The following EYA1 variants were observed in gnomAD, a reference collection of about 807,000 sequenced individuals.
The protein encoded by EYA1 is EYA transcriptional coactivator and phosphatase 1, also known as protein phosphatase EYA1.
EYA1 carries 16 observed loss-of-function variants against 82.0 expected under a neutral mutation model. That is an observed-to-expected ratio of 0.20 (90% CI 0.13 to 0.30). The LOEUF is 0.30. Ranked by LOEUF, EYA1 falls within the 10% of genes least tolerant of loss-of-function variation. The pLI is 1.00. For missense variants in EYA1, 633 were observed against 730.7 expected (o/e 0.87, Z 1.54); for synonymous variants, 261 against 264.4 (o/e 0.99, Z 0.12).
chr8:71,336,899 G>A (rs901230093), intron 3 of EYA1, among the ~76,000 whole-genome samples: 1 of 152,142 alleles, frequency 6.6e-6, no homozygotes, highest in Non-Finnish European at 1.5e-5. Flanking sequence ...CTAAAGACTG[G>A]TGATTTATTG....
chr8:71,205,468 G>C (rs1807644703), intron 17 of EYA1, among the ~76,000 whole-genome samples: 1 of 152,072 alleles, frequency 6.6e-6, no homozygotes, highest in Non-Finnish European at 1.5e-5. Context: ...ATACGTCAAA[G>C]GAAGACTTCC....
chr8:71,361,928 A>G lies in EYA1; in HGVS notation c.-336T>C, dbSNP rs1054027115. ...ACCCGCCACAGTGGACGGCAACAGGAAGGCTTAAAGTCGGAAGTGGCACTG... is the reference window on the plus strand; with the variant it reads ...ACCCGCCACAGTGGACGGCAACAGGGAGGCTTAAAGTCGGAAGTGGCACTG... On this transcript the variant is annotated 5_prime_UTR_variant, in exon 1 of 18. Coordinates refer to ENST00000340726, the MANE Select transcript of EYA1 (RefSeq NM_000503.6). 49 of 985,208 alleles carry G rather than the reference A, an allele frequency of 5.0e-5. No homozygotes were observed. Among genetic ancestry groups the G allele is most frequent in the African/African-American group, 3.8e-4 (22 of 57,224 alleles). The allele number at this position is 985,208 out of a possible 1,614,324, so 61.0% of individuals were successfully genotyped here.
chr8:71,474,537 C>T (rs571404831), intron 2 of EYA1, among the ~76,000 whole-genome samples: 12 of 152,308 alleles, frequency 7.9e-5, no homozygotes, highest in African/African-American at 2.9e-4. Context: ...AGAATACACA[C>T]TCTCAACCCT....
intron 12 of EYA1, among the ~76,000 whole-genome samples, chr8:71,230,410 G>A (rs1250386025): frequency 6.6e-6 from 1 of 152,222 alleles, no homozygotes. Flanking sequence ...GACTGTGTGA[G>A]TGCTGAAGTG....
At chr8:71,403,956 A>C (rs1242809886) in intron 2 of EYA1, 2 of 152,236 alleles carry the variant, frequency 1.3e-5, no homozygotes, top group Non-Finnish European at 2.9e-5. Context: ...CTTAAAGTAC[A>C]TACTTGTTTT....
At chr8:71,266,970 T>C (rs1294548362) in intron 11 of EYA1, among the ~76,000 whole-genome samples, 1 of 152,234 alleles carries the variant, frequency 6.6e-6, no homozygotes, top group African/African-American at 2.4e-5. Context: ...GTTCTCTACC[T>C]GCAATGTAAT....
intron 2 of EYA1, among the ~76,000 whole-genome samples, chr8:71,412,587 T>G (rs1291068650): frequency 6.6e-6 from 1 of 152,098 alleles, no homozygotes; most frequent in Non-Finnish European, 1.5e-5. Flanking sequence ...GAGGAGTGGA[T>G]GGAGACATGG....
At chr8:71,456,782 G>A (rs1317717377) in intron 2 of EYA1, among the ~76,000 whole-genome samples, 3 of 151,984 alleles carry the variant, frequency 2.0e-5, no homozygotes, top group Admixed American at 6.6e-5. Context: ...AAGACTTAAA[G>A]GTTTGACCTA....
In EYA1 at chr8:71,228,431, T is replaced by G. The variant is rs577149368; in HGVS notation, c.1141-11408A>C. Among the ~76,000 whole-genome samples the G allele has an allele frequency of 1.1e-4, 17 of 151,544 alleles. No homozygotes were observed. The East Asian group carries it at 3.1e-3, about 28-fold the overall frequency. ...AATCATTGGGTGTTAAAAGGGGAAA[T>G]GGAGTTGGCTGCCCGAAAGGAAAAA... On this transcript the variant is annotated intron_variant, in intron 12 of 17. Coordinates refer to ENST00000340726, the MANE Select transcript of EYA1 (RefSeq NM_000503.6).
intron 2 of EYA1, among the ~76,000 whole-genome samples, chr8:71,527,988 C>T (rs1226890268): frequency 1.3e-5 from 2 of 152,084 alleles, no homozygotes; most frequent in South Asian, 2.1e-4. Flanking sequence ...CCCTAGCCCT[C>T]GCCCCCACCC....
At chr8:71,337,950 G>A (rs948294704) in intron 3 of EYA1, among the ~76,000 whole-genome samples, 2 of 152,162 alleles carry the variant, frequency 1.3e-5, no homozygotes. Flanking sequence ...TGTAAGTGTG[G>A]GTGAATACTC....
intron 2 of EYA1, among the ~76,000 whole-genome samples, chr8:71,496,524 T>C (rs1255334026): frequency 6.6e-6 from 1 of 152,216 alleles, no homozygotes; most frequent in Non-Finnish European, 1.5e-5. Flanking sequence ...GAAAACAGAT[T>C]ATTCTGTTTC....
rs1480861636 is a variant in EYA1, at chr8:71,324,389, ACTT to A, written c.203-2124_203-2122del. Among the ~76,000 whole-genome samples the A allele has an allele frequency of 2.6e-5, 4 of 152,244 alleles. No individual in the cohort carries two copies. In the East Asian group the frequency reaches 7.7e-4, roughly 29 times the overall value. The stretch of plus-strand genomic sequence containing the variant: ...GAATTTCAGCTCAGATTCAAATCCC[ACTT>A]CTTCTATGTGGGCTTAGTCAAGTTA... On this transcript the variant is annotated intron_variant, in intron 4 of 17. Coordinates refer to ENST00000340726, the MANE Select transcript of EYA1 (RefSeq NM_000503.6).
At position 71,227,261 on chromosome 8, in the gene EYA1, C is replaced by T. The variant is rs956855274; in HGVS notation, c.1141-10238G>A. ...GCTGAACTTATTTCTCAATTTTCAA[C>T]GGGCTTGCTCATCATTTTTGCAAAC... is the stretch of plus-strand genomic sequence containing the variant. On this transcript the variant is annotated intron_variant, in intron 12 of 17. Coordinates refer to ENST00000340726, the MANE Select transcript of EYA1 (RefSeq NM_000503.6). 1.7e-4 allele frequency among the ~76,000 whole-genome samples: 26 copies of T among 152,180 alleles called. No homozygotes were observed. The East Asian group carries it at 1.9e-3, about 11-fold the overall frequency.
chr8:71,236,740 TATC>T lies in EYA1; in HGVS notation c.1140+7860_1140+7862del, dbSNP rs532081407. Among the ~76,000 whole-genome samples the T allele has an allele frequency of 2.0e-5, 3 of 152,324 alleles. No homozygotes were observed. The South Asian group carries it at 6.2e-4, about 32-fold the overall frequency. On this transcript the variant is annotated intron_variant, in intron 12 of 17. Transcript: ENST00000340726. ...ATTAATAGTGTTACTATAGTAGAGA[TATC>T]ATGCTGTTAAATGGAATAATGTATG... is the stretch of plus-strand genomic sequence containing the variant.
chr8:71,546,212 T>C (rs575444196), intron 1 of EYA1, among the ~76,000 whole-genome samples: 1 of 152,260 alleles, frequency 6.6e-6, no homozygotes, highest in African/African-American at 2.4e-5. Context: ...CCTATTTTTT[T>C]CCCCATCCGA....
intron 14 of EYA1, 92 bp downstream of exon 14, chr8:71,216,600 A>G: frequency 1.5e-6 from 2 of 1,307,280 alleles, no homozygotes. Flanking sequence ...AAGCTATTAT[A>G]TTCAAAGCAG....
intron 2 of EYA1, among the ~76,000 whole-genome samples, chr8:71,520,223 C>T (rs1278850920): frequency 6.6e-6 from 1 of 151,680 alleles, no homozygotes; most frequent in Admixed American, 6.6e-5. Flanking sequence ...GCCCCCCCCT[C>T]CACTGAGGCA....
chr8:71,391,966 C>A (rs1366350398), intron 2 of EYA1, among the ~76,000 whole-genome samples: 1 of 152,186 alleles, frequency 6.6e-6, no homozygotes. Flanking sequence ...CAACTGTATT[C>A]TGGCTGAAAA....
Sources: allele counts gnomAD v4.1 joint callset (sites outside exome capture counted in the v4.1 genomes callset), GRCh38; gene constraint gnomAD v4.1.1; transcripts MANE v1.5; gene names NCBI Gene and HGNC (gene_info 2026-07-23, HGNC 2026-07-21).